Variants in DCP2 observed in about 807,000 individuals in gnomAD.
The protein encoded by DCP2 is decapping mRNA 2, also known as m7GpppN-mRNA hydrolase.
A neutral mutation model predicts 56.1 loss-of-function variants in DCP2; 30 were observed. The ratio of observed to expected loss-of-function variants is 0.53; its 90% CI spans 0.40 to 0.73. The LOEUF (loss-of-function observed/expected upper bound fraction) is 0.73. Among genes scored for constraint, DCP2 ranks in the 30% least tolerant of loss-of-function variants. The pLI is 0.00. For missense variants in DCP2, 533 were observed against 502.7 expected (o/e 1.06, Z -0.58); for synonymous variants, 197 against 163.3 (o/e 1.21, Z -1.57).
rs1459330092 is a variant in DCP2 at position 113,016,432 on chromosome 5, T to C, written c.*2948T>C. Reference sequence around the variant, plus strand: ...GAATTGTGGTTACTACTTGCTGTTCTGAGCTTTGAATATCGTTATTTTTCT... The same window carrying C: ...GAATTGTGGTTACTACTTGCTGTTCCGAGCTTTGAATATCGTTATTTTTCT... On this transcript the variant is annotated 3_prime_UTR_variant, in exon 11 of 11. Coordinates refer to ENST00000389063, the MANE Select transcript of DCP2 (RefSeq NM_152624.6). 4 of 152,280 alleles carry C rather than the reference T, an allele frequency of 2.6e-5. No individual in the cohort carries two copies. In the South Asian group the frequency reaches 8.3e-4, roughly 32 times the overall value. 9.4% of individuals were successfully genotyped at this position (152,280 alleles called of 1,614,324 possible). A position where few individuals can be genotyped will look rare whatever the true frequency, so the allele number is the denominator to read the frequency against.
At chr5:113,004,438 G>A (rs1317937154) in intron 8 of DCP2, among the ~76,000 whole-genome samples, 1 of 152,176 alleles carries the variant, frequency 6.6e-6, no homozygotes, top group Non-Finnish European at 1.5e-5. Flanking sequence ...TTTCATTGTT[G>A]TATTCGAGTG....
In DCP2 at chr5:113,013,429, C is replaced by G; in HGVS notation, c.1208C>G (p.Ala403Gly). 6.2e-7 allele frequency: 1 copy of G among 1,614,058 alleles called. No individual in the cohort carries two copies. Among genetic ancestry groups the G allele is most frequent in the Non-Finnish European group, 8.5e-7 (1 of 1,179,974 alleles). Residue 403 changes from alanine to glycine, a missense_variant, in exon 11 of 11, where the codon GCC (alanine) becomes GGC (glycine). By Grantham distance (60) the Ala-to-Gly change is moderately conservative. Around this residue, in one of 3 missense-constraint regions of DCP2, gnomAD observed 392 missense variants for 346.6 expected, o/e 1.13. Transcript: ENST00000389063. ...GHCKFPFSSRAFLSFKFDHNA... is the reference protein window; with the variant it reads ...GHCKFPFSSRGFLSFKFDHNA... Reference sequence around the variant, plus strand: ...TGCAAGTTCCCCTTTTCATCCAGAGCCTTTTTGAGTTTCAAGTTTGACCAT... The same window carrying G: ...TGCAAGTTCCCCTTTTCATCCAGAGGCTTTTTGAGTTTCAAGTTTGACCAT...
In DCP2 at chr5:112,992,781, C is replaced by A; in HGVS notation, c.432+11C>A. 6.4e-7 allele frequency: 1 copy of A among 1,553,264 alleles called. No homozygotes were observed. Among genetic ancestry groups the A allele is most frequent in the South Asian group, 1.2e-5 (1 of 80,470 alleles). On this transcript the variant is annotated intron_variant, in intron 4 of 10. Transcript: ENST00000389063. Reference sequence around the variant, plus strand: ...TGTGCTGCTAGAGAGGTAAGTTATTCCATTTTGATACACAGTAAATTTGGC... The same window carrying A: ...TGTGCTGCTAGAGAGGTAAGTTATTACATTTTGATACACAGTAAATTTGGC...
chr5:113,021,276 A>G lies in DCP2; in HGVS notation c.*7792A>G, dbSNP rs1561715481. On this transcript the variant is annotated 3_prime_UTR_variant, in exon 11 of 11. Transcript: ENST00000389063. The stretch of plus-strand genomic sequence containing the variant: ...CAGCTACTTGGGAGGCTGAGGCAGG[A>G]GAATCTCTTGACCCCGGGAGGCAGA... Among the ~76,000 whole-genome samples the G allele has an allele frequency of 6.6e-6, 1 of 151,336 alleles. No individual in the cohort carries two copies. Among genetic ancestry groups the G allele is most frequent in the Non-Finnish European group, 1.5e-5 (1 of 67,912 alleles).
chr5:113,003,637 T>A (rs1423729402), intron 7 of DCP2, among the ~76,000 whole-genome samples: 3 of 152,160 alleles, frequency 2.0e-5, no homozygotes, highest in Non-Finnish European at 2.9e-5. Flanking sequence ...GCATATTTTT[T>A]AAGAGTACAC....
chr5:113,001,455 C>A lies in DCP2; in HGVS notation c.684C>A (p.Ala228=), dbSNP rs1165212014. 1 of 1,613,244 alleles carries A rather than the reference C, an allele frequency of 6.2e-7. No individual in the cohort carries two copies. The highest frequency in any genetic ancestry group is 8.5e-7 in the Non-Finnish European group (1 of 1,179,528). Residue 228 remains alanine, a synonymous_variant, in exon 6 of 11, where the codon GCC becomes GCA. Coordinates refer to ENST00000389063, the MANE Select transcript of DCP2 (RefSeq NM_152624.6). ...LGLAPNKFFM[A]IPFIRPLRDW... is the part of the protein sequence containing the mutation. ...TGGCACCTAACAAATTTTTTATGGC[C>A]ATTCCCTTTATCAGGTGTGTTCATA...
In DCP2 at chr5:112,992,125, C is replaced by T; in HGVS notation, c.210C>T (p.Phe70=). 1 of 1,613,736 alleles carries T rather than the reference C, an allele frequency of 6.2e-7. No homozygotes were observed. The highest frequency in any genetic ancestry group is 1.7e-4 in the Middle Eastern group (1 of 6,060). Residue 70 remains phenylalanine (F), a synonymous_variant, in exon 3 of 11, where the codon TTC becomes TTT. Coordinates refer to ENST00000389063, the MANE Select transcript of DCP2 (RefSeq NM_152624.6). ...CTTCCTTGACACTATTTATACTCTTCAGTCATTGTCCGTTTTTGCTGCCTC... is the reference window on the plus strand; with the variant it reads ...CTTCCTTGACACTATTTATACTCTTTAGTCATTGTCCGTTTTTGCTGCCTC... ...CGIRDFAKAV[F]SHCPFLLPQG...
At chr5:113,006,450 TAAA>T (rs1749441532) in intron 8 of DCP2, among the ~76,000 whole-genome samples, 2 of 152,202 alleles carry the variant, frequency 1.3e-5, no homozygotes, top group Admixed American at 6.5e-5. Flanking sequence ...GTACCACAAT[TAAA>T]AAACTGCTGG....
At chr5:112,985,725 T>A in intron 1 of DCP2, 110 bp from the exon 2 acceptor site, 1 of 1,259,052 alleles carries the variant, frequency 7.9e-7, no homozygotes, top group Non-Finnish European at 1.1e-6. Flanking sequence ...ACAGTACTGC[T>A]CTTGGTCCCT....
intron 9 of DCP2, 33 bp downstream of exon 9, chr5:113,008,075 G>A: frequency 6.4e-7 from 1 of 1,561,924 alleles, no homozygotes. Context: ...TAAGTAGGCA[G>A]TTCATCCTCT....
intron 2 of DCP2, among the ~76,000 whole-genome samples, chr5:112,990,883 A>ATT (rs10714092): frequency 6.6e-5 from 10 of 150,886 alleles, no homozygotes; most frequent in African/African-American, 1.7e-4. Flanking sequence ...ATTTAATGTG[A>ATT]TTTTTTTTTT....
intron 7 of DCP2, among the ~76,000 whole-genome samples, chr5:113,001,910 A>G (rs1017090936): frequency 6.6e-6 from 1 of 152,176 alleles, no homozygotes; most frequent in Non-Finnish European, 1.5e-5. Flanking sequence ...TCAAGAGGAT[A>G]CCAACTTTTT....
chr5:113,018,518 A>C lies in DCP2; in HGVS notation c.*5034A>C, dbSNP rs1295182065. The C allele has an allele frequency of 6.6e-6, 1 of 152,250 alleles. No homozygotes were observed. Among genetic ancestry groups the C allele is most frequent in the African/African-American group, 2.4e-5 (1 of 41,456 alleles). The allele number at this position is 152,250 out of a possible 1,614,324, so 9.4% of individuals were successfully genotyped here. On this transcript the variant is annotated 3_prime_UTR_variant, in exon 11 of 11. Coordinates refer to ENST00000389063, the MANE Select transcript of DCP2 (RefSeq NM_152624.6). ...AGGTACTCTGAAGAGTGAATGCAGA[A>C]ATCAGTTGGCTGTGTTTGTAATCTT...
At chr5:113,001,296 A>G in intron 5 of DCP2, 60 bp downstream of exon 5, 3 of 1,597,608 alleles carry the variant, frequency 1.9e-6, no homozygotes, top group South Asian at 2.3e-5. Flanking sequence ...AAGTAGGGAA[A>G]TCCTTTTATA....
chr5:112,988,853 G>A (rs1045632122), intron 2 of DCP2, among the ~76,000 whole-genome samples: 1 of 152,212 alleles, frequency 6.6e-6, no homozygotes, highest in Non-Finnish European at 1.5e-5. Flanking sequence ...TGGACTTACA[G>A]CCCTTCTAGG....
chr5:112,995,867 G>T (rs919735147), intron 4 of DCP2, among the ~76,000 whole-genome samples: 1 of 152,136 alleles, frequency 6.6e-6, no homozygotes, highest in Non-Finnish European at 1.5e-5. Context: ...AATTTATTTT[G>T]CAACGGTTCT....
chr5:113,012,521 C>G (rs1181367178), intron 10 of DCP2, among the ~76,000 whole-genome samples: 13 of 152,152 alleles, frequency 8.5e-5, no homozygotes, highest in Admixed American at 8.5e-4. Context: ...GATGTCTATT[C>G]CAAACCTACT....
intron 1 of DCP2, among the ~76,000 whole-genome samples, 183 bp downstream of exon 1, chr5:112,977,169 C>T (rs1256954722): frequency 1.3e-5 from 2 of 152,170 alleles, no homozygotes; most frequent in African/African-American, 2.4e-5. Context: ...GCCGCAGCCT[C>T]CCTGTTTCTC....
At chr5:112,991,717 T>C (rs1311377496) in intron 2 of DCP2, among the ~76,000 whole-genome samples, 1 of 152,226 alleles carries the variant, frequency 6.6e-6, no homozygotes, top group Non-Finnish European at 1.5e-5. Context: ...TTCTATTTCT[T>C]GTTATTACGC....
Sources: gnomAD v4.1 joint callset for allele counts (sites outside exome capture counted in the v4.1 genomes callset) on GRCh38, gnomAD v4.1.1 for gene constraint, gnomAD v4.1.1 regional missense constraint, MANE v1.5 for transcripts, NCBI Gene and HGNC (gene_info 2026-07-23, HGNC 2026-07-21) for gene names.